Variants in WWP2 observed in about 807,000 individuals in gnomAD.
WWP2 encodes the protein NEDD4-like E3 ubiquitin-protein ligase WWP2.
WWP2 carries 57 observed loss-of-function variants against 121.0 expected under a neutral mutation model. The observed-to-expected ratio is 0.47, with a 90% confidence interval of 0.38 to 0.59. The LOEUF is 0.59. WWP2 is among the 20% of genes least tolerant of loss of function. The pLI, the probability that WWP2 is intolerant of heterozygous loss-of-function variation, is 0.00. For missense variants in WWP2, 962 were observed against 1,158.9 expected (o/e 0.83, Z 2.47); for synonymous variants, 449 against 441.3 (o/e 1.02, Z -0.22).
intron 6 of WWP2, among the ~76,000 whole-genome samples, chr16:69,843,064 T>C (rs1017566505): frequency 3.3e-5 from 5 of 152,150 alleles, no homozygotes; most frequent in African/African-American, 1.2e-4. Flanking sequence ...AAGTAGGTTA[T>C]TGGATAAAAG....
chr16:69,846,692 G>A (rs112139413), intron 6 of WWP2, among the ~76,000 whole-genome samples: 5 of 151,386 alleles, frequency 3.3e-5, no homozygotes, highest in African/African-American at 1.2e-4. Context: ...CTGCACTCCA[G>A]CTGAGTGATG....
At chr16:69,797,775 G>C (rs1275682037) in intron 2 of WWP2, among the ~76,000 whole-genome samples, 1 of 151,928 alleles carries the variant, frequency 6.6e-6, no homozygotes, top group Non-Finnish European at 1.5e-5. Flanking sequence ...TGTAATCCCA[G>C]CTACTCAGGA....
chr16:69,773,138 C>G (rs1022496377), intron 1 of WWP2, among the ~76,000 whole-genome samples: 1 of 151,468 alleles, frequency 6.6e-6, no homozygotes, highest in African/African-American at 2.4e-5. Flanking sequence ...ACAGTCCTGA[C>G]GGGGAGCTCC....
At chr16:69,766,402 C>T (rs1373829094) in intron 1 of WWP2, among the ~76,000 whole-genome samples, 1 of 152,198 alleles carries the variant, frequency 6.6e-6, no homozygotes, top group Non-Finnish European at 1.5e-5. Flanking sequence ...TGTTAAAAGG[C>T]AGGGTGGATC....
chr16:69,869,688 A>G (rs2057596713), intron 6 of WWP2, among the ~76,000 whole-genome samples: 1 of 152,200 alleles, frequency 6.6e-6, no homozygotes, highest in Non-Finnish European at 1.5e-5. Context: ...TACAAGCTCA[A>G]TGAAGGAAGC....
chr16:69,903,090 C>T (rs2058230547), intron 8 of WWP2, among the ~76,000 whole-genome samples: 1 of 152,134 alleles, frequency 6.6e-6, no homozygotes, highest in Non-Finnish European at 1.5e-5. Flanking sequence ...CTCGCTAAGC[C>T]AGTTGAGGGG....
In WWP2 at chr16:69,830,616, C is replaced by A. The variant is rs1394853041; in HGVS notation, c.341-9510C>A. Among the ~76,000 whole-genome samples, 6 of 152,114 alleles carry A rather than the reference C, an allele frequency of 3.9e-5. No individual in the cohort carries two copies. The East Asian group carries it at 9.6e-4, about 24-fold the overall frequency. ...ATTCTGGGTTCTGGGTAAGACCCTG[C>A]CAGAGTGTGAGTGTTGGGGGGCCGC... On this transcript the variant is annotated intron_variant, in intron 4 of 23. Coordinates refer to ENST00000359154, the MANE Select transcript of WWP2 (RefSeq NM_001270454.2).
intron 4 of WWP2, among the ~76,000 whole-genome samples, chr16:69,814,142 A>G (rs974769821): frequency 6.6e-6 from 1 of 152,132 alleles, no homozygotes; most frequent in Admixed American, 6.6e-5. Context: ...GGTACCTTGC[A>G]TACCAAATGT....
Position 69,871,891 on chromosome 16 carries a change from C to G in WWP2, c.663C>G (p.Pro221=), listed in dbSNP as rs759327057. The change falls in exon 7 of 24, where the codon CCC becomes CCG. Residue 221 remains proline (P), a synonymous_variant. Coordinates refer to ENST00000359154, the MANE Select transcript of WWP2 (RefSeq NM_001270454.2). ...SPGARSRHRQ[P]VKNSGHSGLA... Reference sequence around the variant, plus strand: ...GTGCTCGGAGCCGGCACCGCCAGCCCGTCAAGAACTCAGGCCACAGTGGCT... The same window carrying G: ...GTGCTCGGAGCCGGCACCGCCAGCCGGTCAAGAACTCAGGCCACAGTGGCT... 4 of 1,613,930 alleles carry G rather than the reference C, an allele frequency of 2.5e-6. No homozygotes were observed. The highest frequency in any genetic ancestry group is 1.7e-5 in the Admixed American group (1 of 59,994).
At chr16:69,824,814 A>G (rs1597006063) in intron 4 of WWP2, among the ~76,000 whole-genome samples, 1 of 122,600 alleles carries the variant, frequency 8.2e-6, no homozygotes, top group Admixed American at 1.0e-4. Flanking sequence ...TCTGTCACCC[A>G]GACTGCAGTA....
At position 69,876,431 on chromosome 16, in the gene WWP2, C is replaced by A. The variant is rs184114238; in HGVS notation, c.703+4500C>A. Among the ~76,000 whole-genome samples, 185 of 150,218 alleles carry A rather than the reference C, an allele frequency of 1.2e-3. 2 individuals carry two copies. The South Asian group carries it at 0.017, about 14-fold the overall frequency. ...CTAGGCTGGAATGCCGTGGCATGATCTTGGCTCACTATAACCTACACCTCC... is the reference window on the plus strand; with the variant it reads ...CTAGGCTGGAATGCCGTGGCATGATATTGGCTCACTATAACCTACACCTCC... On this transcript the variant is annotated intron_variant, in intron 7 of 23. Transcript: ENST00000359154.
chr16:69,867,140 CT>C (rs11287046), intron 6 of WWP2, among the ~76,000 whole-genome samples: 25,849 of 132,418 alleles, frequency 0.2, 2,566 homozygotes, highest in African/African-American at 0.3. Context: ...CTGGCCAAGG[CT>C]TTTTTTTTTT....
intron 4 of WWP2, among the ~76,000 whole-genome samples, chr16:69,819,866 C>A (rs1596996709): frequency 6.6e-6 from 1 of 152,134 alleles, no homozygotes; most frequent in East Asian, 1.9e-4. Context: ...AGTGAATTCC[C>A]CTTTCCACCT....
At position 69,838,486 on chromosome 16, in the gene WWP2, G is replaced by T. The variant is rs142955243; in HGVS notation, c.341-1640G>T. 4.9e-3 allele frequency among the ~76,000 whole-genome samples: 737 copies of T among 150,474 alleles called. 5 individuals are homozygous for T. Among genetic ancestry groups the T allele is most frequent in the African/African-American group, 0.017 (706 of 40,982 alleles). ...AAAGCCCACAATAATCAACACTTAC[G>T]ATTGCATAGTTTCAGGGGGCTAGAT... On this transcript the variant is annotated intron_variant, in intron 4 of 23. Coordinates refer to ENST00000359154, the MANE Select transcript of WWP2 (RefSeq NM_001270454.2).
intron 1 of WWP2, among the ~76,000 whole-genome samples, chr16:69,778,847 G>A (rs978046134): frequency 1.3e-5 from 2 of 151,738 alleles, no homozygotes; most frequent in Non-Finnish European, 2.9e-5. Context: ...CACCATGTTG[G>A]CCAGGCTGGT....
intron 16 of WWP2, chr16:69,933,070 C>T (rs374230380): frequency 7.6e-5 from 38 of 498,826 alleles, no homozygotes; most frequent in East Asian, 2.8e-4. Flanking sequence ...CTGGTGTGGC[C>T]GCGCCCTGTG....
chr16:69,783,806 A>AACAACAACAACAACAAC (rs2055719437), intron 1 of WWP2, among the ~76,000 whole-genome samples: 2 of 102,280 alleles, frequency 2.0e-5, no homozygotes, highest in African/African-American at 8.5e-5. Context: ...ACAACAACAA[A>AACAACAACAACAACAAC]ATATTAGAGT....
intron 4 of WWP2, among the ~76,000 whole-genome samples, chr16:69,828,401 T>A (rs1024524837): frequency 1.3e-5 from 2 of 152,172 alleles, no homozygotes; most frequent in African/African-American, 4.8e-5. Flanking sequence ...AGTTTCGCTC[T>A]TGTTGCCCAG....
intron 9 of WWP2, chr16:69,909,798 T>C (rs1391131434): frequency 2.8e-6 from 2 of 718,194 alleles, no homozygotes; most frequent in Non-Finnish European, 3.4e-6. Context: ...CAAATAGATA[T>C]AGAGAGAATA....
Sources: allele counts gnomAD v4.1 joint callset (sites outside exome capture counted in the v4.1 genomes callset), GRCh38; gene constraint gnomAD v4.1.1; transcripts MANE v1.5; gene names NCBI Gene and HGNC (gene_info 2026-07-23, HGNC 2026-07-21).